The following HLA-DPA1 variants were observed in gnomAD, a reference collection of about 807,000 sequenced individuals.
The protein encoded by HLA-DPA1 is HLA class II histocompatibility antigen, DP alpha 1 chain.
HLA-DPA1 carries 20 observed loss-of-function variants against 21.5 expected under a neutral mutation model. The ratio of observed to expected loss-of-function variants is 0.93; its 90% confidence interval spans 0.66 to 1.35. HLA-DPA1 has a LOEUF of 1.35. Ranked by LOEUF, HLA-DPA1 falls within the 40% of genes most tolerant of loss-of-function variation. The probability of loss-of-function intolerance (pLI) is 0.00; values close to 1 mark genes in which losing one functional copy is unlikely to be tolerated. For synonymous variants in HLA-DPA1, 123 were observed against 129.6 expected (o/e 0.95, Z 0.35); for missense variants, 279 against 323.0 (o/e 0.86, Z 1.05).
At chr6:33,068,779 A>T in exon 5 of HLA-DPA1, 1 of 1,613,066 alleles carries the variant, frequency 6.2e-7, no homozygotes, top group Non-Finnish European at 8.5e-7. Flanking sequence ...CCGTTGTCTC[A>T]GGCATCTGGA....
chr6:33,071,973 G>A (rs559046555), intron 2 of HLA-DPA1, among the ~76,000 whole-genome samples: 13 of 152,242 alleles, frequency 8.5e-5, no homozygotes, highest in Admixed American at 2.6e-4. Context: ...GTCATTAGTG[G>A]CAGGTGCAGG....
intron 1 of HLA-DPA1, among the ~76,000 whole-genome samples, chr6:33,074,995 AT>A (rs1191430248): frequency 6.6e-6 from 1 of 152,000 alleles, no homozygotes; most frequent in East Asian, 1.9e-4. Flanking sequence ...TGCCAATTTG[AT>A]TTTTTTTGAA....
At chr6:33,075,905 C>A in intron 1 of HLA-DPA1, 1 of 643,236 alleles carries the variant, frequency 1.6e-6, no homozygotes, top group Non-Finnish European at 2.7e-6. Flanking sequence ...GTTCTTTTCT[C>A]AGACTCTGTC....
exon 4 of HLA-DPA1, chr6:33,069,066 C>A (rs1303559733): frequency 6.2e-7 from 1 of 1,613,028 alleles, no homozygotes; most frequent in Admixed American, 1.7e-5. Flanking sequence ...CTCCACCCTG[C>A]AGTCATAGAA....
intron 2 of HLA-DPA1, 146 bp from the exon 2 acceptor site, chr6:33,070,032 G>A: frequency 1.5e-6 from 1 of 676,606 alleles, no homozygotes; most frequent in South Asian, 2.0e-5. Context: ...AGAAGAAGGA[G>A]CAACACCATA....
intron 3 of HLA-DPA1, 71 bp from the exon 3 acceptor site, chr6:33,069,371 G>A (rs1762141048): frequency 6.9e-7 from 1 of 1,450,074 alleles, no homozygotes; most frequent in Non-Finnish European, 9.4e-7. Flanking sequence ...TCTTAGGGGA[G>A]GGTGGTCCTC....
At chr6:33,068,998 G>C in intron 4 of HLA-DPA1, 21 bp downstream of exon 3, 1 of 1,609,962 alleles carries the variant, frequency 6.2e-7, no homozygotes. Context: ...GGAGATTATG[G>C]AGAGAAAAGC....
intron 5 of HLA-DPA1, chr6:33,067,366 G>C (rs79229871): frequency 0.29 from 43,894 of 151,812 alleles, 8,384 homozygotes; most frequent in East Asian, 0.69. Context: ...CATGAAACCT[G>C]GTTGTTAAAA....
At chr6:33,075,948 C>A in intron 1 of HLA-DPA1, 1 of 905,350 alleles carries the variant, frequency 1.1e-6, no homozygotes, top group Non-Finnish European at 1.7e-6. Context: ...TACTTGGGTT[C>A]ATGGTCTCTA....
chr6:33,075,790 T>C lies in HLA-DPA1; in HGVS notation c.-99-2121A>G, dbSNP rs139800527. ...ACTGGTTAAAATGAGTATCACTGTC[T>C]TTCCTCCGTCATCTTAAGTGCATCA... On this transcript the variant is annotated intron_variant, in intron 1 of 5. Coordinates refer to ENST00000419277, the Ensembl canonical transcript of HLA-DPA1. 873 of 499,204 alleles carry C rather than the reference T, an allele frequency of 1.7e-3. 7 individuals are homozygous for C. Among genetic ancestry groups the C allele is most frequent in the East Asian group, 8.2e-3 (242 of 29,598 alleles). The allele number at this position is 499,204 out of a possible 1,614,324, so 30.9% of individuals were successfully genotyped here.
rs3180551 is a variant in HLA-DPA1 at position 33,068,528 on chromosome 6, T to C, written c.*12+110A>G. 8.8e-3 allele frequency: 7,185 copies of C among 820,904 alleles called. 372 individuals carry two copies. In the African/African-American group the frequency reaches 0.11, roughly 12 times the overall value. The allele number at this position is 820,904 out of a possible 1,614,324, so 50.9% of individuals were successfully genotyped here. On this transcript the variant is annotated intron_variant, in intron 5 of 5. Coordinates refer to ENST00000419277, the Ensembl canonical transcript of HLA-DPA1. ...AGTTATCGGTGTTGTTGTTGTTATG[T>C]GGCTGAATGCTTTTAACCCATTAGA... is the stretch of plus-strand genomic sequence containing the variant.
chr6:33,076,073 G>A (rs1318704515), intron 1 of HLA-DPA1: 1 of 1,612,538 alleles, frequency 6.2e-7, no homozygotes, highest in South Asian at 1.1e-5. Context: ...GCGGCCCCCC[G>A]GACAGTGGCT....
In HLA-DPA1 at chr6:33,080,407, C is replaced by T. The variant is rs17214664; in HGVS notation, c.-100+273G>A. The T allele has an allele frequency of 0.015, 10,155 of 666,594 alleles. 140 individuals carry two copies. Among genetic ancestry groups the T allele is most frequent in the African/African-American group, 0.03 (1,702 of 55,854 alleles). The allele number at this position is 666,594 out of a possible 1,614,324, so 41.3% of individuals were successfully genotyped here. On this transcript the variant is annotated intron_variant, in intron 1 of 5. Coordinates refer to ENST00000419277, the Ensembl canonical transcript of HLA-DPA1. This position sits in a 1 kb window ranked among gnomAD's most constrained non-coding sequence, Gnocchi z 4.3. ...CCAGCAGAAGGGACTGCCTTCCCCT[C>T]AGTGCTCGCCCCTCCCTAGTGATCA...
chr6:33,075,761 T>C (rs151054043), intron 1 of HLA-DPA1, among the ~76,000 whole-genome samples: 2 of 152,318 alleles, frequency 1.3e-5, no homozygotes, highest in East Asian at 3.9e-4. Flanking sequence ...TCATGACTTA[T>C]CTGACTGGTT....
At chr6:33,072,262 C>A (rs139333458) in intron 2 of HLA-DPA1, among the ~76,000 whole-genome samples, 275 of 152,242 alleles carry the variant, frequency 1.8e-3, no homozygotes, top group African/African-American at 6.3e-3. Context: ...AGGGATGTAC[C>A]AGAGACAAGT....
rs150981306 is a variant in HLA-DPA1 at position 33,073,608 on chromosome 6, A to G, written c.-38T>C. ...ATAATTGATGACTGTGAGCACAGGA[A>G]CAGTGATGAGGAACTGAGGCCGAGT... is the stretch of plus-strand genomic sequence containing the variant. On this transcript the variant is annotated 5_prime_UTR_variant, in exon 2 of 6. Coordinates refer to ENST00000419277, the Ensembl canonical transcript of HLA-DPA1. 1.3e-3 allele frequency: 2,014 copies of G among 1,495,072 alleles called. 31 individuals carry two copies. The highest frequency in any genetic ancestry group is 0.013 in the East Asian group (590 of 44,298). 92.6% of individuals were successfully genotyped at this position (1,495,072 alleles called of 1,614,324 possible). A position where few individuals can be genotyped will look rare whatever the true frequency, so the allele number is the denominator to read the frequency against.
At position 33,076,027 on chromosome 6, in the gene HLA-DPA1, T is replaced by C. The variant is rs146638354; in HGVS notation, c.-99-2358A>G. On this transcript the variant is annotated intron_variant, in intron 1 of 5. Transcript: ENST00000419277. ...GACTGCAGCTCTTTTCATTTTGCCA[T>C]CCTTTTCCAGCTCCATGATGGTTCT... The C allele has an allele frequency of 1.2e-3, 1,983 of 1,603,936 alleles. 33 individuals are homozygous for C. The East Asian group carries it at 0.013, about 11-fold the overall frequency.
intron 5 of HLA-DPA1, chr6:33,066,058 T>C (rs1761940929): frequency 6.6e-6 from 1 of 152,218 alleles, no homozygotes. Flanking sequence ...TACATCACCC[T>C]AGTCCCAGCC....
intron 1 of HLA-DPA1, chr6:33,075,944 G>C: frequency 1.2e-6 from 1 of 848,618 alleles, no homozygotes; most frequent in East Asian, 2.6e-5. Flanking sequence ...AGACTACTTG[G>C]GTTCATGGTC....
Sources: gnomAD v4.1 joint callset for allele counts (sites outside exome capture counted in the v4.1 genomes callset) on GRCh38, gnomAD v4.1.1 for gene constraint, Gnocchi (gnomAD v3.1) non-coding constraint, MANE v1.5 for transcripts, NCBI Gene and HGNC (gene_info 2026-07-23, HGNC 2026-07-21) for gene names.